The following RNF123 variants were observed in gnomAD, a reference collection of about 807,000 sequenced individuals.
RNF123 encodes the protein ring finger protein 123, also known as E3 ubiquitin-protein ligase RNF123.
In RNF123, 86 loss-of-function variants were observed where a neutral mutation model predicts 168.5. The observed-to-expected ratio is 0.51, with a 90% confidence interval of 0.43 to 0.61. The LOEUF is 0.61. Among genes scored for constraint, RNF123 ranks in the 20% least tolerant of loss-of-function variants. The probability of loss-of-function intolerance (pLI) is 0.00; values close to 1 mark genes in which losing one functional copy is unlikely to be tolerated. For missense variants in RNF123, 1,419 were observed against 1,729.7 expected, an observed-to-expected ratio of 0.82 and a Z score of 3.19; for synonymous variants, 666 against 689.1, an observed-to-expected ratio of 0.97 and a Z score of 0.52.
intron 22 of RNF123, 67 bp downstream of exon 22, chr3:49,704,823 T>C: frequency 2.7e-6 from 4 of 1,456,654 alleles, no homozygotes; most frequent in Non-Finnish European, 2.8e-6. Context: ...GGCAGGGGTC[T>C]CATCCAGGGC....
Position 49,700,637 on chromosome 3 carries a change from T to A in RNF123, c.1205T>A (p.Ile402Asn). The stretch of plus-strand genomic sequence containing the variant: ...ACTCTGAACGCCCCCTCTCCACAGA[T>A]CCATTACCTGCGGCTCACTATCGCC... ...SPIVPDLGLQ[I>N]HYLRLTIAIL... The change falls in exon 15 of 39, where the codon ATC becomes AAC. Residue 402 changes from isoleucine to asparagine, a missense_variant and splice_region_variant. By Grantham distance (149) the Ile-to-Asn change is moderately radical. Coordinates refer to ENST00000327697, the MANE Select transcript of RNF123 (RefSeq NM_022064.5). The A allele has an allele frequency of 6.2e-7, 1 of 1,614,108 alleles. No individual in the cohort carries two copies. The highest frequency in any genetic ancestry group is 1.3e-5 in the African/African-American group (1 of 75,026).
intron 35 of RNF123, 38 bp from the exon 36 acceptor site, chr3:49,720,473 C>T: frequency 1.3e-6 from 2 of 1,514,370 alleles, no homozygotes; most frequent in Middle Eastern, 1.8e-4. Flanking sequence ...AGCCAGGCCC[C>T]AAGCCTTCTG....
chr3:49,718,178 T>C (rs1418565904), intron 35 of RNF123: 27 of 1,613,090 alleles, frequency 1.7e-5, no homozygotes, highest in Non-Finnish European at 2.2e-5. Context: ...GACTGTGCGC[T>C]CAGCTCTTGG....
At chr3:49,703,204 A>G (rs1432810203) in intron 20 of RNF123, among the ~76,000 whole-genome samples, 1 of 152,036 alleles carries the variant, frequency 6.6e-6, no homozygotes, top group Admixed American at 6.5e-5. Context: ...CCATCACCCC[A>G]AGTTATGCAG....
chr3:49,690,149 A>G (rs2054106865), intron 1 of RNF123, among the ~76,000 whole-genome samples: 1 of 152,136 alleles, frequency 6.6e-6, no homozygotes, highest in African/African-American at 2.4e-5. Flanking sequence ...GGGTGAGATA[A>G]GAGACTGAAC....
intron 27 of RNF123, chr3:49,713,176 C>T (rs2080176524): frequency 3.4e-6 from 2 of 591,162 alleles, no homozygotes. Flanking sequence ...TGCCCCCTGC[C>T]CAGCCACAGG....
chr3:49,695,792 C>G (rs2054256082), intron 3 of RNF123, among the ~76,000 whole-genome samples: 1 of 152,170 alleles, frequency 6.6e-6, no homozygotes, highest in Admixed American at 6.5e-5. Context: ...CTGCCTGAGT[C>G]CTGCTGGTTA....
At chr3:49,706,579 C>T (rs959676390) in intron 25 of RNF123, among the ~76,000 whole-genome samples, 4 of 152,248 alleles carry the variant, frequency 2.6e-5, no homozygotes, top group Non-Finnish European at 5.9e-5. Context: ...CTGGGCCTCA[C>T]TTCCATGTCA....
chr3:49,698,010 C>T (rs1363862094), intron 6 of RNF123, 42 bp from the exon 7 acceptor site: 1 of 1,611,774 alleles, frequency 6.2e-7, no homozygotes, highest in Non-Finnish European at 8.5e-7. Flanking sequence ...AGGCAAGAGG[C>T]AGTCTTTGTC....
At chr3:49,718,029 G>A (rs2080283458) in intron 35 of RNF123, 1 of 1,613,692 alleles carries the variant, frequency 6.2e-7, no homozygotes, top group African/African-American at 1.3e-5. Flanking sequence ...CTCCAGGGTT[G>A]TAGAGATCGA....
intron 27 of RNF123, chr3:49,713,160 C>T: frequency 1.7e-6 from 1 of 592,164 alleles, no homozygotes; most frequent in East Asian, 2.8e-5. Flanking sequence ...TGTCAGGCCC[C>T]TAGCCTGCCC....
Position 49,691,471 on chromosome 3 carries a change from T to C in RNF123, c.129T>C (p.Phe43=). The change falls in exon 3 of 39, where the codon TTT becomes TTC. Residue 43 remains phenylalanine, a synonymous_variant. Transcript: ENST00000327697. ...KLLNDYLNRI[F]SSSEHAPPAA... is the part of the protein sequence containing the mutation. ...TGAATGACTACCTGAACCGCATCTT[T>C]TCCTCTTCTGAACATGCACCCCCAG... is the stretch of plus-strand genomic sequence containing the variant. The C allele has an allele frequency of 1.9e-6, 3 of 1,614,222 alleles. No individual in the cohort carries two copies. The highest frequency in any genetic ancestry group is 2.5e-6 in the Non-Finnish European group (3 of 1,180,032).
chr3:49,704,081 C>T (rs932267838), intron 21 of RNF123, among the ~76,000 whole-genome samples: 3 of 152,162 alleles, frequency 2.0e-5, no homozygotes, highest in African/African-American at 7.2e-5. Context: ...GGGGTGCCAT[C>T]AGGGAGAGGG....
At chr3:49,718,396 G>A in intron 35 of RNF123, 1 of 1,613,182 alleles carries the variant, frequency 6.2e-7, no homozygotes, top group Middle Eastern at 1.7e-4. Context: ...GTGCAGGCGG[G>A]GCCCAGTGGC....
At chr3:49,701,425 G>T (rs1288153772) in intron 15 of RNF123, 66 bp from the exon 16 acceptor site, 16 of 1,270,368 alleles carry the variant, frequency 1.3e-5, no homozygotes, top group Non-Finnish European at 1.8e-5. Flanking sequence ...GGGCTCCTGG[G>T]GAAGGACTCT....
At chr3:49,713,007 C>G in intron 27 of RNF123, 1 of 690,390 alleles carries the variant, frequency 1.4e-6, no homozygotes, top group Non-Finnish European at 2.7e-6. Flanking sequence ...CAAAGCGTAG[C>G]AGTTGGTCAG....
rs745437087 is a variant in RNF123 at position 49,720,859 on chromosome 3, A to T, written c.3703A>T (p.Thr1235Ser). 6.2e-7 allele frequency: 1 copy of T among 1,614,042 alleles called. No individual in the cohort carries two copies. The highest frequency in any genetic ancestry group is 1.7e-5 in the Admixed American group (1 of 60,014). The change falls in exon 37 of 39, where the codon ACC becomes TCC. Residue 1235 changes from threonine (T) to serine (S), a missense_variant. Transcript: ENST00000327697. ...AGTGGAACAGATGCTGGCGCACCTG[A>T]CCTCTGCATCTGCCCAGGCAGCAGC... ...AQVEQMLAHLTSASAQAAAAS... is the reference protein window; with the variant it reads ...AQVEQMLAHLSSASAQAAAAS...
chr3:49,700,100 T>G, intron 12 of RNF123, 127 bp from the exon 13 acceptor site: 3 of 1,347,268 alleles, frequency 2.2e-6, no homozygotes, highest in Non-Finnish European at 3.0e-6. Context: ...GGGTCATCTA[T>G]GTTTGGTGTT....
chr3:49,720,669 G>C lies in RNF123; in HGVS notation c.3643+16G>C. 2 of 1,595,164 alleles carry C rather than the reference G, an allele frequency of 1.3e-6. No homozygotes were observed. Among genetic ancestry groups the C allele is most frequent in the Non-Finnish European group, 1.7e-6 (2 of 1,166,242 alleles). ...CTGCAGAGCTGTGAGTGGGCTGGTG[G>C]GGCAGGTCAGGGAAATCTGGGGCTG... On this transcript the variant is annotated intron_variant, in intron 36 of 38. Coordinates refer to ENST00000327697, the MANE Select transcript of RNF123 (RefSeq NM_022064.5).
Sources: gnomAD v4.1 joint callset for allele counts (sites outside exome capture counted in the v4.1 genomes callset) on GRCh38, gnomAD v4.1.1 for gene constraint, MANE v1.5 for transcripts, NCBI Gene and HGNC (gene_info 2026-07-23, HGNC 2026-07-21) for gene names.